Variants in AGMO observed in about 807,000 individuals in gnomAD.
AGMO encodes the protein glyceryl-ether monooxygenase.
AGMO carries 75 observed loss-of-function variants against 60.2 expected under a neutral mutation model. The observed-to-expected ratio is 1.25, with a 90% CI of 1.03 to 1.51. AGMO has a LOEUF of 1.51. Among genes scored for constraint, AGMO ranks in the 40% most tolerant of loss-of-function variants. The probability of loss-of-function intolerance (pLI) is 0.00; values close to 1 mark genes in which losing one functional copy is unlikely to be tolerated. For synonymous variants in AGMO, 261 were observed against 177.1 expected, an observed-to-expected ratio of 1.47 and a Z score of -3.76; for missense variants, 763 against 525.5, an observed-to-expected ratio of 1.45 and a Z score of -4.42.
At chr7:15,442,680 C>G (rs757155729) in intron 3 of AGMO, among the ~76,000 whole-genome samples, 1 of 151,918 alleles carries the variant, frequency 6.6e-6, no homozygotes, top group African/African-American at 2.4e-5. Flanking sequence ...AGGGCTCCAC[C>G]CCCGGGGCCT....
chr7:15,526,882 T>C (rs1241906447), intron 3 of AGMO, among the ~76,000 whole-genome samples: 1 of 152,210 alleles, frequency 6.6e-6, no homozygotes, highest in Admixed American at 6.5e-5. Flanking sequence ...TTCATTATTA[T>C]TGTATCTGTA....
chr7:15,544,845 A>G lies in AGMO; in HGVS notation c.336T>C (p.Asp112=). Residue 112 remains aspartate, a synonymous_variant, in exon 3 of 13, where the codon GAT becomes GAC. Coordinates refer to ENST00000342526, the MANE Select transcript of AGMO (RefSeq NM_001004320.2). ...ENYRLFNLPW[D]SPWTWYSAFL... is the part of the protein sequence containing the mutation. ...AGGCTGAATACCAAGTCCATGGAGA[A>G]TCCCAAGGCAAATTGAACAGCCTGT... is the stretch of plus-strand genomic sequence containing the variant. 1 of 1,610,870 alleles carries G rather than the reference A, an allele frequency of 6.2e-7. No homozygotes were observed. The highest frequency in any genetic ancestry group is 8.5e-7 in the Non-Finnish European group (1 of 1,178,242).
intron 12 of AGMO, among the ~76,000 whole-genome samples, chr7:15,220,287 T>G (rs1056984234): frequency 1.1e-4 from 16 of 149,022 alleles, no homozygotes; most frequent in African/African-American, 3.7e-4. Context: ...GGCTTGGATC[T>G]GGGCTCACTG....
chr7:15,199,826 A>G (rs577805619), downstream of AGMO, among the ~76,000 whole-genome samples: 1 of 152,294 alleles, frequency 6.6e-6, no homozygotes, highest in Admixed American at 6.5e-5. Flanking sequence ...GCAAAGCCAA[A>G]CCCACTTCTG....
At chr7:15,348,937 C>A (rs1782131476) in intron 12 of AGMO, among the ~76,000 whole-genome samples, 2 of 152,078 alleles carry the variant, frequency 1.3e-5, no homozygotes, top group Non-Finnish European at 2.9e-5. Flanking sequence ...CCTCAAAGTT[C>A]TTCTAAATTA....
intron 12 of AGMO, among the ~76,000 whole-genome samples, chr7:15,320,518 C>T (rs1482074561): frequency 6.6e-6 from 1 of 152,032 alleles, no homozygotes; most frequent in Admixed American, 6.6e-5. Context: ...TATCTCAACT[C>T]TCCTTCATTC....
At chr7:15,289,661 AC>A (rs1784200843) in intron 12 of AGMO, among the ~76,000 whole-genome samples, 1 of 152,102 alleles carries the variant, frequency 6.6e-6, no homozygotes, top group Admixed American at 6.5e-5. Flanking sequence ...ACTAGCTTCT[AC>A]CTACTTCCCT....
chr7:15,507,053 G>A (rs183206738), intron 3 of AGMO, among the ~76,000 whole-genome samples: 10 of 151,964 alleles, frequency 6.6e-5, no homozygotes, highest in Admixed American at 4.6e-4. Context: ...TTTTAAAAAA[G>A]AAACAAAGAA....
chr7:15,510,822 C>G (rs952897264), intron 3 of AGMO, among the ~76,000 whole-genome samples: 2 of 148,014 alleles, frequency 1.4e-5, no homozygotes, highest in Admixed American at 6.8e-5. Flanking sequence ...CATTTTATTA[C>G]AGGCTGATTA....
intron 3 of AGMO, among the ~76,000 whole-genome samples, chr7:15,473,268 C>T (rs74810042): frequency 6.6e-6 from 1 of 151,770 alleles, no homozygotes; most frequent in Admixed American, 6.6e-5. Context: ...ACCCTACCAA[C>T]CAAAAAACGC....
At chr7:15,354,397 C>CACACGT (rs1554422656) in intron 12 of AGMO, among the ~76,000 whole-genome samples, 1 of 25,108 alleles carries the variant, frequency 4.0e-5, no homozygotes, top group Non-Finnish European at 6.3e-5. Context: ...TGTGTATACA[C>CACACGT]GTGTGTGTAC....
chr7:15,146,275 G>A, the AGMO span, among the ~76,000 whole-genome samples: 2 of 151,986 alleles, frequency 1.3e-5, no homozygotes, highest in African/African-American at 4.8e-5. Flanking sequence ...TGTAAATTTA[G>A]CTTATTCAGA....
intron 10 of AGMO, among the ~76,000 whole-genome samples, chr7:15,367,255 T>A (rs10229411): frequency 0.023 from 3,433 of 151,612 alleles, 124 homozygotes; most frequent in African/African-American, 0.079. Context: ...GATAATTTTT[T>A]AAAAAAAATT....
chr7:15,444,746 T>A (rs942122152), intron 3 of AGMO, among the ~76,000 whole-genome samples: 1 of 152,180 alleles, frequency 6.6e-6, no homozygotes, highest in Non-Finnish European at 1.5e-5. Flanking sequence ...TCACCTACAA[T>A]GACTTCAATA....
chr7:15,189,364 A>T, the AGMO span, among the ~76,000 whole-genome samples: 1 of 151,992 alleles, frequency 6.6e-6, no homozygotes, highest in Admixed American at 6.6e-5. Flanking sequence ...AGGAAAATAG[A>T]CTCATTTTAT....
At chr7:15,453,681 C>T (rs1051618180) in intron 3 of AGMO, among the ~76,000 whole-genome samples, 1 of 152,098 alleles carries the variant, frequency 6.6e-6, no homozygotes, top group Non-Finnish European at 1.5e-5. Flanking sequence ...ATCTGGAGAA[C>T]AATGAGCACT....
chr7:15,416,027 C>CTTTTTTT (rs759040945), intron 5 of AGMO, among the ~76,000 whole-genome samples: 1 of 130,892 alleles, frequency 7.6e-6, no homozygotes, highest in Non-Finnish European at 1.6e-5. Context: ...TTCTTTTTTT[C>CTTTTTTT]TTTTTTTTTT....
intron 12 of AGMO, among the ~76,000 whole-genome samples, chr7:15,205,458 G>A (rs1015490366): frequency 5.9e-5 from 9 of 152,172 alleles, no homozygotes; most frequent in African/African-American, 1.9e-4. Context: ...GATTAAAATA[G>A]AAAACATTCA....
intron 3 of AGMO, among the ~76,000 whole-genome samples, chr7:15,517,114 T>C (rs1005301912): frequency 6.6e-6 from 1 of 151,940 alleles, no homozygotes; most frequent in Non-Finnish European, 1.5e-5. Flanking sequence ...ATCAAGACAA[T>C]ATAATGATTT....
Sources: allele counts gnomAD v4.1 joint callset (sites outside exome capture counted in the v4.1 genomes callset), GRCh38; gene constraint gnomAD v4.1.1; transcripts MANE v1.5; gene names NCBI Gene and HGNC (gene_info 2026-07-23, HGNC 2026-07-21).